TAF12: variants seen among roughly 807,000 people sequenced by gnomAD.
The protein encoded by TAF12 is TATA-box binding protein associated factor 12.
TAF12 carries 3 observed loss-of-function variants against 20.8 expected under a neutral mutation model. The observed-to-expected ratio is 0.14, with a 90% CI of 0.07 to 0.37. The LOEUF (loss-of-function observed/expected upper bound fraction) is 0.37. TAF12 is among the 10% of genes least tolerant of loss of function. TAF12 has a pLI of 1.00. For missense variants in TAF12, 131 were observed against 197.9 expected (o/e 0.66, Z 2.03); for synonymous variants, 69 against 70.2 (o/e 0.98, Z 0.09).
At chr1:28,640,846 C>T (rs1424292405) in intron 1 of TAF12, among the ~76,000 whole-genome samples, 2 of 151,774 alleles carry the variant, frequency 1.3e-5, no homozygotes, top group Admixed American at 6.6e-5. Context: ...GAGGCCAAGG[C>T]GGGAGAATCA....
intron 1 of TAF12, among the ~76,000 whole-genome samples, chr1:28,629,261 A>G (rs1208817186): frequency 1.3e-5 from 2 of 152,118 alleles, no homozygotes; most frequent in Non-Finnish European, 2.9e-5. Flanking sequence ...TGCATATGTT[A>G]CCTATGGAAA....
intron 1 of TAF12, among the ~76,000 whole-genome samples, chr1:28,638,773 A>C (rs932007743): frequency 3.6e-5 from 5 of 140,496 alleles, no homozygotes; most frequent in Admixed American, 7.2e-5. Flanking sequence ...GGCATGAGCC[A>C]CCTCACCTGG....
At chr1:28,624,280 C>T (rs1390400563) in intron 1 of TAF12, among the ~76,000 whole-genome samples, 1 of 152,134 alleles carries the variant, frequency 6.6e-6, no homozygotes, top group African/African-American at 2.4e-5. Flanking sequence ...TAGGGATAAA[C>T]TAACAGCATA....
intron 4 of TAF12, among the ~76,000 whole-genome samples, chr1:28,612,076 TTGACACTG>T (rs1449692317): frequency 6.6e-6 from 1 of 152,198 alleles, no homozygotes; most frequent in Non-Finnish European, 1.5e-5. Context: ...CAACAGCTTC[TTGACACTG>T]TGAAGAAAGT....
chr1:28,612,553 CACAT>C, intron 4 of TAF12, among the ~76,000 whole-genome samples: 1 of 143,896 alleles, frequency 6.9e-6, no homozygotes. Context: ...TATATATACA[CACAT>C]AAATATATAC....
At chr1:28,637,543 T>C (rs939517393) in intron 1 of TAF12, among the ~76,000 whole-genome samples, 3 of 151,930 alleles carry the variant, frequency 2.0e-5, no homozygotes, top group Non-Finnish European at 4.4e-5. Flanking sequence ...CGCGCGCTTA[T>C]AGTCCCAGCT....
chr1:28,621,563 T>TA (rs1292697000), intron 2 of TAF12, among the ~76,000 whole-genome samples: 1 of 152,168 alleles, frequency 6.6e-6, no homozygotes, highest in Non-Finnish European at 1.5e-5. Context: ...GGTATTGTGT[T>TA]AGTGTGTACA....
At chr1:28,622,434 G>T (rs753051262) in intron 1 of TAF12, among the ~76,000 whole-genome samples, 1 of 151,552 alleles carries the variant, frequency 6.6e-6, no homozygotes, top group African/African-American at 2.4e-5. Context: ...TATATGGAAT[G>T]GTGACCATTT....
At chr1:28,630,289 G>C (rs1237647926) in intron 1 of TAF12, among the ~76,000 whole-genome samples, 2 of 152,160 alleles carry the variant, frequency 1.3e-5, no homozygotes, top group African/African-American at 4.8e-5. Context: ...CAGGTACAGT[G>C]GCTCACGCCT....
chr1:28,607,821 A>G (rs921110791), intron 4 of TAF12, among the ~76,000 whole-genome samples: 2 of 151,724 alleles, frequency 1.3e-5, no homozygotes, highest in African/African-American at 2.4e-5. Flanking sequence ...GCCTGGGTGA[A>G]GAGGAAGATC....
rs182877039 is a variant in TAF12 at position 28,639,505 on chromosome 1, C to T, written c.-85+3487G>A. On this transcript the variant is annotated intron_variant, in intron 1 of 5. Transcript: ENST00000373824. ...AATTATAATGCAATGATTTTCTGATCGGGTATTTTGAAGTCCTATTATAAT... is the reference window on the plus strand; with the variant it reads ...AATTATAATGCAATGATTTTCTGATTGGGTATTTTGAAGTCCTATTATAAT... 2.1e-4 allele frequency among the ~76,000 whole-genome samples: 31 copies of T among 150,218 alleles called. 1 individual carries two copies. Among genetic ancestry groups the T allele is most frequent in the South Asian group, 8.4e-4 (4 of 4,778 alleles).
chr1:28,627,106 G>A (rs896851643), intron 1 of TAF12, among the ~76,000 whole-genome samples: 7 of 152,140 alleles, frequency 4.6e-5, no homozygotes, highest in East Asian at 3.9e-4. Context: ...ATAAGTGGAG[G>A]CTGGGTGCAG....
chr1:28,645,441 A>C (rs1439203070), upstream of TAF12, among the ~76,000 whole-genome samples: 1 of 136,638 alleles, frequency 7.3e-6, no homozygotes, highest in African/African-American at 2.8e-5. Flanking sequence ...CGAGGTCAGG[A>C]GATAGAGATC....
At chr1:28,620,721 C>T (rs537108357) in intron 2 of TAF12, among the ~76,000 whole-genome samples, 2 of 152,294 alleles carry the variant, frequency 1.3e-5, no homozygotes, top group Middle Eastern at 3.4e-3. Flanking sequence ...GCTTGAGCCA[C>T]CATGCCCGGC....
chr1:28,620,156 C>T (rs1480440085), intron 2 of TAF12, among the ~76,000 whole-genome samples: 12 of 148,876 alleles, frequency 8.1e-5, no homozygotes, highest in African/African-American at 2.5e-4. Flanking sequence ...TTTTTTGAGA[C>T]GGAATCTCGT....
Position 28,642,698 on chromosome 1 carries a change from T to G in TAF12, c.-85+294A>C, listed in dbSNP as rs1435185755. 1.3e-5 allele frequency: 13 copies of G among 985,352 alleles called. No homozygotes were observed. In the South Asian group the frequency reaches 4.7e-4, roughly 36 times the overall value. The allele number at this position is 985,352 out of a possible 1,614,324, so 61.0% of individuals were successfully genotyped here. On this transcript the variant is annotated intron_variant, in intron 1 of 5. Transcript: ENST00000373824. ...TTCACGCCCCGTTCCTTTCTGACCCTTTCCTCGTAGGAGTGCGGGTCCTCA... is the reference window on the plus strand; with the variant it reads ...TTCACGCCCCGTTCCTTTCTGACCCGTTCCTCGTAGGAGTGCGGGTCCTCA...
At chr1:28,637,021 C>T (rs1398085356) in intron 1 of TAF12, among the ~76,000 whole-genome samples, 1 of 152,144 alleles carries the variant, frequency 6.6e-6, no homozygotes, top group African/African-American at 2.4e-5. Flanking sequence ...CATCCTGCTG[C>T]TAACCCAACA....
chr1:28,647,882 A>T (rs1436889761), upstream of TAF12, among the ~76,000 whole-genome samples: 4 of 152,148 alleles, frequency 2.6e-5, 1 homozygote, highest in African/African-American at 4.8e-5. Context: ...TCAAAAAAAA[A>T]AAAATTGTGT....
chr1:28,617,600 C>T (rs973545182), intron 3 of TAF12, among the ~76,000 whole-genome samples: 1 of 151,960 alleles, frequency 6.6e-6, no homozygotes, highest in African/African-American at 2.4e-5. Context: ...GCGCCCGCCA[C>T]CATGCCCGGC....
Sources: allele counts gnomAD v4.1 joint callset (sites outside exome capture counted in the v4.1 genomes callset), GRCh38; gene constraint gnomAD v4.1.1; transcripts MANE v1.5; gene names NCBI Gene and HGNC (gene_info 2026-07-23, HGNC 2026-07-21).